Variants in GPC6 observed in about 807,000 individuals in gnomAD.
GPC6 encodes glypican-6.
Under a neutral mutation model 55.2 loss-of-function variants are expected in GPC6, and 14 were observed. The ratio of observed to expected loss-of-function variants is 0.25; its 90% CI spans 0.17 to 0.40. The LOEUF (loss-of-function observed/expected upper bound fraction) is 0.40. Among genes scored for constraint, GPC6 ranks in the 10% least tolerant of loss-of-function variants. The pLI, the probability that GPC6 is intolerant of heterozygous loss-of-function variation, is 1.00. For missense variants in GPC6, 641 were observed against 708.5 expected (o/e 0.90, Z 1.08); for synonymous variants, 278 against 259.6 (o/e 1.07, Z -0.68).
chr13:93,630,853 T>C (rs537803066), intron 2 of GPC6, among the ~76,000 whole-genome samples: 11 of 152,248 alleles, frequency 7.2e-5, no homozygotes, highest in African/African-American at 2.6e-4. Context: ...AATATTCACA[T>C]GTCAAAGTCC....
At chr13:93,272,758 G>A (rs1432561376) in intron 1 of GPC6, among the ~76,000 whole-genome samples, 1 of 152,090 alleles carries the variant, frequency 6.6e-6, no homozygotes, top group Non-Finnish European at 1.5e-5. Context: ...GAGAATCTCT[G>A]AACAGACAGT....
intron 2 of GPC6, among the ~76,000 whole-genome samples, chr13:93,703,515 A>T (rs1041350909): frequency 3.9e-5 from 6 of 152,002 alleles, no homozygotes; most frequent in African/African-American, 1.2e-4. Context: ...ATGTAAAAAA[A>T]TTCAATATCT....
chr13:93,610,864 T>G (rs570042886), intron 2 of GPC6, among the ~76,000 whole-genome samples: 2 of 152,214 alleles, frequency 1.3e-5, no homozygotes, highest in African/African-American at 4.8e-5. Context: ...CTGAGACTTA[T>G]GATTGGGAAA....
At chr13:94,040,797 A>G (rs1483594434) in intron 4 of GPC6, among the ~76,000 whole-genome samples, 2 of 151,890 alleles carry the variant, frequency 1.3e-5, no homozygotes, top group Non-Finnish European at 2.9e-5. Context: ...TCAAAATTTC[A>G]AATACTTTAA....
intron 1 of GPC6, among the ~76,000 whole-genome samples, chr13:93,536,448 T>G (rs1395588739): frequency 6.6e-6 from 1 of 152,174 alleles, no homozygotes; most frequent in Non-Finnish European, 1.5e-5. Context: ...TCTGCATGAT[T>G]TCGACTACTT....
At chr13:94,099,869 G>A (rs1273825718) in intron 4 of GPC6, among the ~76,000 whole-genome samples, 1 of 152,168 alleles carries the variant, frequency 6.6e-6, no homozygotes, top group African/African-American at 2.4e-5. Context: ...AATGGCATGA[G>A]TTAGAAATGT....
intron 2 of GPC6, among the ~76,000 whole-genome samples, chr13:93,633,066 A>G (rs1879528588): frequency 6.6e-6 from 1 of 152,162 alleles, no homozygotes; most frequent in Admixed American, 6.5e-5. Flanking sequence ...TTTCCAATTT[A>G]TAATTTGGCA....
intron 2 of GPC6, among the ~76,000 whole-genome samples, chr13:93,635,678 C>A (rs1180258335): frequency 6.6e-6 from 1 of 152,176 alleles, no homozygotes; most frequent in Non-Finnish European, 1.5e-5. Context: ...ACAGTGAGAT[C>A]TGCCCAGCAT....
chr13:93,795,961 G>T (rs1425440221), intron 2 of GPC6, among the ~76,000 whole-genome samples: 1 of 151,836 alleles, frequency 6.6e-6, no homozygotes, highest in Non-Finnish European at 1.5e-5. Context: ...TGTAGTCCAG[G>T]TCACTTGAGA....
intron 3 of GPC6, among the ~76,000 whole-genome samples, chr13:93,919,659 A>T (rs968589812): frequency 6.6e-6 from 1 of 152,224 alleles, no homozygotes; most frequent in East Asian, 1.9e-4. Context: ...ATACCAAAAA[A>T]ATATGAAGTT....
chr13:94,007,551 G>C (rs1882070457), intron 3 of GPC6, among the ~76,000 whole-genome samples: 1 of 152,224 alleles, frequency 6.6e-6, no homozygotes, highest in African/African-American at 2.4e-5. Context: ...AAGTCTCACT[G>C]TCCCCTCTTC....
chr13:93,848,800 G>A (rs866477681), intron 3 of GPC6, among the ~76,000 whole-genome samples: 13 of 151,772 alleles, frequency 8.6e-5, no homozygotes, highest in Non-Finnish European at 1.6e-4. Context: ...ACTGCCCCCC[G>A]CAACCAATGT....
chr13:93,340,991 T>C (rs1392943042), intron 1 of GPC6, among the ~76,000 whole-genome samples: 3 of 152,176 alleles, frequency 2.0e-5, no homozygotes, highest in South Asian at 4.1e-4. Context: ...CTCCGACTTA[T>C]GAGAACATTC....
At chr13:94,260,052 C>T (rs1424443671) in intron 4 of GPC6, among the ~76,000 whole-genome samples, 2 of 152,144 alleles carry the variant, frequency 1.3e-5, no homozygotes, top group African/African-American at 2.4e-5. Context: ...TCTTTAATCT[C>T]ACTGAAACTT....
At chr13:93,317,981 C>T (rs528493318) in intron 1 of GPC6, among the ~76,000 whole-genome samples, 1 of 152,276 alleles carries the variant, frequency 6.6e-6, no homozygotes, top group Non-Finnish European at 1.5e-5. Context: ...ATACTCATGT[C>T]CTCTTGTCCC....
intron 1 of GPC6, among the ~76,000 whole-genome samples, chr13:93,346,956 C>T (rs557263295): frequency 2.8e-4 from 43 of 152,216 alleles, no homozygotes; most frequent in African/African-American, 8.7e-4. Flanking sequence ...TGTATCCATT[C>T]GGTTGATTGG....
chr13:93,421,043 C>T (rs941368365), intron 1 of GPC6, among the ~76,000 whole-genome samples: 4 of 152,022 alleles, frequency 2.6e-5, no homozygotes, highest in South Asian at 2.1e-4. Flanking sequence ...GATGAGAGCA[C>T]GCCAGGCATA....
intron 2 of GPC6, among the ~76,000 whole-genome samples, chr13:93,692,179 A>G (rs992113729): frequency 3.9e-5 from 6 of 152,090 alleles, no homozygotes; most frequent in African/African-American, 1.2e-4. Context: ...CCTTTTGCCC[A>G]TGGAATAAGA....
intron 4 of GPC6, among the ~76,000 whole-genome samples, chr13:94,156,156 A>G (rs532142504): frequency 2.6e-5 from 4 of 152,324 alleles, no homozygotes; most frequent in Non-Finnish European, 4.4e-5. Flanking sequence ...TATTATGTCA[A>G]TTATGGCCAA....
Sources: gnomAD v4.1 joint callset for allele counts (sites outside exome capture counted in the v4.1 genomes callset) on GRCh38, gnomAD v4.1.1 for gene constraint, MANE v1.5 for transcripts, NCBI Gene and HGNC (gene_info 2026-07-23, HGNC 2026-07-21) for gene names.